The following SDSL variants were observed in gnomAD, a reference collection of about 807,000 sequenced individuals.
SDSL encodes serine dehydratase-like.
In SDSL, 26 loss-of-function variants were observed where a neutral mutation model predicts 27.6. The observed-to-expected ratio is 0.94, with a 90% CI of 0.69 to 1.31. The LOEUF (loss-of-function observed/expected upper bound fraction) is 1.31. SDSL is among the 50% of genes most tolerant of loss of function. The pLI, the probability that SDSL is intolerant of heterozygous loss-of-function variation, is 0.00. For missense variants in SDSL, 431 were observed against 423.5 expected, an observed-to-expected ratio of 1.02 and a Z score of -0.16; for synonymous variants, 196 against 180.6, an observed-to-expected ratio of 1.09 and a Z score of -0.69.
At chr12:113,426,652 C>T (rs1042908805) in intron 1 of SDSL, among the ~76,000 whole-genome samples, 2 of 152,134 alleles carry the variant, frequency 1.3e-5, no homozygotes, top group African/African-American at 2.4e-5. Flanking sequence ...AAAAGGAGTT[C>T]TTAGGCCAGA....
At chr12:113,424,126 A>G (rs1434534376) in intron 1 of SDSL, among the ~76,000 whole-genome samples, 1 of 152,066 alleles carries the variant, frequency 6.6e-6, no homozygotes, top group Admixed American at 6.6e-5. Flanking sequence ...AGGTTCAAGC[A>G]ATTCTCCTGC....
rs368347918 is a variant in SDSL, at chr12:113,428,468, A to C, written c.214+9A>C. 7 of 1,610,082 alleles carry C rather than the reference A, an allele frequency of 4.3e-6. No homozygotes were observed. The African/African-American group carries it at 9.4e-5, about 22-fold the overall frequency. On this transcript the variant is annotated intron_variant, in intron 3 of 7. Transcript: ENST00000403593. ...CCTGGTGTGCTCCTCAGGTGACCCC[A>C]CCTTTTTTTGTTTCATGGGCAGAGG...
chr12:113,435,572 G>A lies in SDSL; in HGVS notation c.671+16G>A. ...ACATCACCAGGTGGGTAAGGGCTGG[G>A]GACATTTGTAGGGGCTGGAGGGTGG... On this transcript the variant is annotated intron_variant, in intron 6 of 7. Coordinates refer to ENST00000403593, the MANE Select transcript of SDSL (RefSeq NM_001304993.2). 1 of 1,605,324 alleles carries A rather than the reference G, an allele frequency of 6.2e-7. No homozygotes were observed. Among genetic ancestry groups the A allele is most frequent in the Non-Finnish European group, 8.5e-7 (1 of 1,173,894 alleles).
At chr12:113,423,964 T>C (rs1214144808) in intron 1 of SDSL, among the ~76,000 whole-genome samples, 2 of 152,164 alleles carry the variant, frequency 1.3e-5, no homozygotes, top group South Asian at 2.1e-4. Context: ...TTGCAGTTTG[T>C]TGTGTGGTTG....
At chr12:113,425,453 C>T (rs1957835209) in intron 1 of SDSL, among the ~76,000 whole-genome samples, 1 of 152,116 alleles carries the variant, frequency 6.6e-6, no homozygotes, top group African/African-American at 2.4e-5. Context: ...CTTGGAACCC[C>T]AGCCATGACT....
intron 6 of SDSL, 73 bp from the exon 7 acceptor site, chr12:113,436,678 T>C: frequency 4.2e-6 from 6 of 1,431,932 alleles, no homozygotes; most frequent in Non-Finnish European, 5.5e-6. Context: ...TGGCTGGGGC[T>C]GGGGAGAGAC....
At chr12:113,422,626 T>G (rs1957805193) in intron 1 of SDSL, 149 bp downstream of exon 1, 1 of 152,230 alleles carries the variant, frequency 6.6e-6, no homozygotes, top group African/African-American at 2.4e-5. Context: ...TTCTAGGCCC[T>G]CCTGGGAATG....
intron 1 of SDSL, among the ~76,000 whole-genome samples, chr12:113,427,606 T>C (rs1299416920): frequency 6.6e-6 from 1 of 152,220 alleles, no homozygotes; most frequent in Non-Finnish European, 1.5e-5. Flanking sequence ...TTATGACTCG[T>C]GGGTCCCCAA....
In SDSL at chr12:113,428,102, T is replaced by A. The variant is rs1390912840; in HGVS notation, c.120T>A (p.Asn40Lys). ...TGCCTGTCTTCCTCAAGTGTGAGAA[T>A]GTGCAGCCCAGCGGCTCCTTCAAGA... ...AGMPVFLKCE[N>K]VQPSGSFKIR... Residue 40 changes from asparagine to lysine, a missense_variant, in exon 2 of 8, where the codon AAT (asparagine) becomes AAA (lysine). Transcript: ENST00000403593. 1 of 1,613,808 alleles carries A rather than the reference T, an allele frequency of 6.2e-7. No individual in the cohort carries two copies. The highest frequency in any genetic ancestry group is 8.5e-7 in the Non-Finnish European group (1 of 1,179,918).
At chr12:113,429,363 C>CT in intron 4 of SDSL, 64 bp downstream of exon 4, 1 of 1,506,666 alleles carries the variant, frequency 6.6e-7, no homozygotes, top group South Asian at 1.2e-5. Flanking sequence ...CACCCCACCC[C>CT]TAAGACATCC....
chr12:113,436,293 ATT>A (rs1180862493), intron 6 of SDSL, among the ~76,000 whole-genome samples: 1 of 144,120 alleles, frequency 6.9e-6, no homozygotes, highest in Non-Finnish European at 1.5e-5. Context: ...GTGGATGAGC[ATT>A]TTTTTTTTTT....
chr12:113,437,777 C>G, intron 7 of SDSL, 109 bp from the exon 8 acceptor site: 1 of 994,588 alleles, frequency 1.0e-6, no homozygotes, highest in Non-Finnish European at 1.5e-6. Flanking sequence ...AGATGAATGG[C>G]TGACTGGCTG....
At position 113,435,376 on chromosome 12, in the gene SDSL, C is replaced by T; in HGVS notation, c.491C>T (p.Thr164Ile). The change falls in exon 6 of 8, where the codon ACC becomes ATC. Residue 164 changes from threonine (T) to isoleucine (I), a missense_variant. Transcript: ENST00000403593. ...CAGGAGCTGAAAGCAGTGCTGAGGA[C>T]CCCACCAGGTGCCCTGGTGCTGGCA... ...LVQELKAVLR[T>I]PPGALVLAVG... The T allele has an allele frequency of 1.3e-6, 2 of 1,599,688 alleles. No homozygotes were observed. The highest frequency in any genetic ancestry group is 1.7e-6 in the Non-Finnish European group (2 of 1,173,480).
chr12:113,432,185 C>G (rs1360176234), intron 4 of SDSL, among the ~76,000 whole-genome samples: 1 of 152,052 alleles, frequency 6.6e-6, no homozygotes, highest in Non-Finnish European at 1.5e-5. Flanking sequence ...ACCACTGTGC[C>G]TGGCTGACAG....
chr12:113,424,496 T>A (rs542613168), intron 1 of SDSL, among the ~76,000 whole-genome samples: 1 of 152,216 alleles, frequency 6.6e-6, no homozygotes, highest in Middle Eastern at 3.2e-3. Context: ...TAAGTGCCCA[T>A]CTCATCAGGC....
chr12:113,431,287 C>T (rs1957918252), intron 4 of SDSL, among the ~76,000 whole-genome samples: 1 of 152,102 alleles, frequency 6.6e-6, no homozygotes, highest in Non-Finnish European at 1.5e-5. Context: ...CACCTGAGAG[C>T]ACTAGGGAAG....
intron 1 of SDSL, chr12:113,426,363 G>A (rs945601780): frequency 9.2e-5 from 35 of 381,612 alleles, no homozygotes; most frequent in African/African-American, 6.9e-4. Flanking sequence ...TTTGCATCCT[G>A]ATTCAAACCG....
In SDSL at chr12:113,429,274, G is replaced by A. The variant is rs1957890497; in HGVS notation, c.329G>A (p.Gly110Glu). ...LQVVQRLQGE[G>E]AEVQLTGKVW... Reference sequence around the variant, plus strand: ...GTGGTGCAGAGGCTGCAGGGGGAGGGGGCCGAGGTTCAGCTGACTGGAAAG... The same window carrying A: ...GTGGTGCAGAGGCTGCAGGGGGAGGAGGCCGAGGTTCAGCTGACTGGAAAG... Residue 110 changes from glycine (G) to glutamate (E), a missense_variant, in exon 4 of 8, where the codon GGG (glycine) becomes GAG (glutamate). By Grantham distance (98) the Gly-to-Glu change is moderately conservative. Transcript: ENST00000403593. The A allele has an allele frequency of 1.2e-6, 2 of 1,612,014 alleles. No individual in the cohort carries two copies. The highest frequency in any genetic ancestry group is 1.7e-6 in the Non-Finnish European group (2 of 1,178,332).
rs1309116961 is a variant in SDSL, at chr12:113,429,164, T to C, written c.219T>C (p.Gly73=). 2.5e-6 allele frequency: 4 copies of C among 1,612,136 alleles called. No individual in the cohort carries two copies. In the African/African-American group the frequency reaches 5.4e-5, roughly 22 times the overall value. Residue 73 remains glycine, a synonymous_variant, in exon 4 of 8, where the codon GGT becomes GGC. Transcript: ENST00000403593. ...CCTTTCCTCCTTTCTGCACAGGGGGTAATGCGGGCATCGCTGCTGCCTATG... is the reference window on the plus strand; with the variant it reads ...CCTTTCCTCCTTTCTGCACAGGGGGCAATGCGGGCATCGCTGCTGCCTATG... ...GCRHLVCSSG[G]NAGIAAAYAA...
Sources: gnomAD v4.1 joint callset for allele counts (sites outside exome capture counted in the v4.1 genomes callset) on GRCh38, gnomAD v4.1.1 for gene constraint, MANE v1.5 for transcripts, NCBI Gene and HGNC (gene_info 2026-07-23, HGNC 2026-07-21) for gene names.